C3orf49: variants seen among roughly 807,000 people sequenced by gnomAD.
The protein encoded by C3orf49 is putative uncharacterized protein C3orf49.
A neutral mutation model predicts 13.3 loss-of-function variants in C3orf49; 27 were observed. The ratio of observed to expected loss-of-function variants is 2.02; its 90% CI spans 1.49 to 2.79. The LOEUF is 2.79. Among genes scored for constraint, C3orf49 ranks in the 30% most tolerant of loss-of-function variants. The pLI, the probability that C3orf49 is intolerant of heterozygous loss-of-function variation, is 0.00. For missense variants in C3orf49, 242 were observed against 134.2 expected, an observed-to-expected ratio of 1.80 and a Z score of -3.97; for synonymous variants, 87 against 47.6, an observed-to-expected ratio of 1.83 and a Z score of -3.40.
At chr3:63,785,347 T>C in the C3orf49 span, among the ~76,000 whole-genome samples, 1 of 151,926 alleles carries the variant, frequency 6.6e-6, no homozygotes, top group Non-Finnish European at 1.5e-5. Flanking sequence ...GCTGGGATTA[T>C]AGGCGTGAGC....
chr3:63,829,476 G>A (rs889906287), intron 3 of C3orf49, among the ~76,000 whole-genome samples: 6 of 152,110 alleles, frequency 3.9e-5, no homozygotes, highest in Admixed American at 2.0e-4. Context: ...ACTCCTGGAG[G>A]ACAATAAGAA....
the C3orf49 span, among the ~76,000 whole-genome samples, chr3:63,783,537 C>T: frequency 6.7e-6 from 1 of 149,706 alleles, no homozygotes; most frequent in Admixed American, 6.7e-5. Flanking sequence ...CACACACACA[C>T]ACACACACAC....
At chr3:63,792,382 C>T in the C3orf49 span, among the ~76,000 whole-genome samples, 2,809 of 152,262 alleles carry the variant, frequency 0.018, 37 homozygotes, top group African/African-American at 0.042. Flanking sequence ...TGTTTTTCGG[C>T]GTGAATAACC....
chr3:63,817,754 G>A (rs1340186403), upstream of C3orf49, among the ~76,000 whole-genome samples: 1 of 152,124 alleles, frequency 6.6e-6, no homozygotes, highest in Non-Finnish European at 1.5e-5. Flanking sequence ...ACAGCAGCAA[G>A]TGTTTCAGCC....
the C3orf49 span, among the ~76,000 whole-genome samples, chr3:63,785,448 T>A: frequency 6.6e-6 from 1 of 152,140 alleles, no homozygotes; most frequent in African/African-American, 2.4e-5. Context: ...GAAAAGAATA[T>A]CTTATCAGAT....
chr3:63,780,165 G>A, the C3orf49 span, among the ~76,000 whole-genome samples: 3 of 151,934 alleles, frequency 2.0e-5, no homozygotes, highest in South Asian at 2.1e-4. Flanking sequence ...AAAAGGCCCC[G>A]GTGTGTGATG....
the C3orf49 span, among the ~76,000 whole-genome samples, chr3:63,789,106 G>A: frequency 1.5e-3 from 230 of 152,268 alleles, 1 homozygote; most frequent in African/African-American, 4.9e-3. Flanking sequence ...GGCGGCGGGC[G>A]AGCGGGCATT....
rs920892450 is a variant in C3orf49 at position 63,834,840 on chromosome 3, G to T, written c.849+2996G>T. 2.0e-5 allele frequency among the ~76,000 whole-genome samples: 3 copies of T among 152,122 alleles called. No homozygotes were observed. The South Asian group carries it at 6.2e-4, about 32-fold the overall frequency. On this transcript the variant is annotated intron_variant, in intron 5 of 6. Coordinates refer to ENST00000295896, the MANE Select transcript of C3orf49 (RefSeq NM_001355236.2). ...TCGTATGTACTGATTTCTTATTATT[G>T]CCTGCCTGGGTCCTGAGTTGTTATA...
At chr3:63,834,240 C>T in intron 5 of C3orf49, 1 of 1,599,842 alleles carries the variant, frequency 6.3e-7, no homozygotes. Flanking sequence ...GTCAAGTTTG[C>T]CTATATTTTA....
chr3:63,830,981 C>T, intron 3 of C3orf49, 129 bp from the exon 4 acceptor site: 2 of 588,350 alleles, frequency 3.4e-6, no homozygotes, highest in African/African-American at 1.9e-5. Flanking sequence ...GTCTGCAATC[C>T]AATATTGTTA....
chr3:63,827,566 A>T, intron 2 of C3orf49, 35 bp from the exon 3 acceptor site: 4 of 694,350 alleles, frequency 5.8e-6, no homozygotes, highest in Non-Finnish European at 1.0e-5. Flanking sequence ...CCTCATTGTG[A>T]TCCTTACAGA....
chr3:63,836,194 C>A, intron 5 of C3orf49: 1 of 996,208 alleles, frequency 1.0e-6, no homozygotes. Context: ...ATATCTGACC[C>A]CTCCTTTTGA....
At chr3:63,816,776 T>TTC (rs1291355368), upstream of C3orf49, among the ~76,000 whole-genome samples, 1 of 138,408 alleles carries the variant, frequency 7.2e-6, no homozygotes, top group Non-Finnish European at 1.6e-5. Context: ...TTTCTTTTTT[T>TTC]TTTTTTTTTT....
intron 3 of C3orf49, among the ~76,000 whole-genome samples, chr3:63,830,224 C>T (rs1265271820): frequency 6.6e-6 from 1 of 152,134 alleles, no homozygotes; most frequent in Non-Finnish European, 1.5e-5. Flanking sequence ...TCAATAAACA[C>T]AGACATAATG....
chr3:63,785,601 C>G, the C3orf49 span, among the ~76,000 whole-genome samples: 2 of 152,146 alleles, frequency 1.3e-5, no homozygotes, highest in African/African-American at 2.4e-5. Context: ...TGGCTACCCA[C>G]TTAGGAGATG....
At chr3:63,785,302 G>A in the C3orf49 span, among the ~76,000 whole-genome samples, 6 of 151,440 alleles carry the variant, frequency 4.0e-5, no homozygotes, top group East Asian at 3.9e-4. Flanking sequence ...TTGATCTCCC[G>A]ACCTCATGAT....
chr3:63,824,549 G>A (rs149405260), intron 2 of C3orf49, among the ~76,000 whole-genome samples: 1 of 152,148 alleles, frequency 6.6e-6, no homozygotes, highest in East Asian at 1.9e-4. Context: ...AAAAATAAAT[G>A]GAGTCTAGGC....
At chr3:63,790,340 G>A in the C3orf49 span, among the ~76,000 whole-genome samples, 1 of 151,996 alleles carries the variant, frequency 6.6e-6, no homozygotes, top group African/African-American at 2.4e-5. Flanking sequence ...GGTGTAGGTG[G>A]GCCCAGGAAT....
At chr3:63,839,615 A>G (rs1701714159) in intron 5 of C3orf49, 1 of 1,554,090 alleles carries the variant, frequency 6.4e-7, no homozygotes, top group Admixed American at 1.7e-5. Context: ...CTAAAATCAC[A>G]TTAGGACACT....
Sources: allele counts gnomAD v4.1 joint callset (sites outside exome capture counted in the v4.1 genomes callset), GRCh38; gene constraint gnomAD v4.1.1; transcripts MANE v1.5; gene names NCBI Gene and HGNC (gene_info 2026-07-23, HGNC 2026-07-21).